DOCK3: variants seen among roughly 807,000 people sequenced by gnomAD.
DOCK3 encodes the protein dedicator of cytokinesis protein 3.
DOCK3 carries 60 observed loss-of-function variants against 265.6 expected under a neutral mutation model. The ratio of observed to expected loss-of-function variants is 0.23; its 90% CI spans 0.18 to 0.28. The LOEUF is 0.28. Among genes scored for constraint, DOCK3 ranks in the 10% least tolerant of loss-of-function variants. The pLI is 1.00. For synonymous variants in DOCK3, 881 were observed against 938.0 expected, an observed-to-expected ratio of 0.94 and a Z score of 1.11; for missense variants, 1,981 against 2,594.3, an observed-to-expected ratio of 0.76 and a Z score of 5.14.
intron 3 of DOCK3, among the ~76,000 whole-genome samples, chr3:50,882,781 G>T (rs1167299089): frequency 1.3e-5 from 2 of 152,134 alleles, no homozygotes; most frequent in Non-Finnish European, 2.9e-5. Flanking sequence ...ATACCCAAAG[G>T]ATTATAAATC....
chr3:51,349,459 A>G (rs1393247816), intron 39 of DOCK3, among the ~76,000 whole-genome samples: 1 of 152,186 alleles, frequency 6.6e-6, no homozygotes, highest in Non-Finnish European at 1.5e-5. Flanking sequence ...TTTCATCAGC[A>G]AAAAAGAGGC....
chr3:50,821,543 G>T (rs914829002), intron 2 of DOCK3, among the ~76,000 whole-genome samples: 1 of 152,046 alleles, frequency 6.6e-6, no homozygotes, highest in African/African-American at 2.4e-5. Context: ...CTCGTGATCC[G>T]CCTGCCTCGG....
chr3:51,368,721 T>C (rs1048882928), intron 49 of DOCK3, among the ~76,000 whole-genome samples: 1 of 152,176 alleles, frequency 6.6e-6, no homozygotes, highest in African/African-American at 2.4e-5. Flanking sequence ...TCTCCCAGCA[T>C]GGAGTTTAAG....
chr3:51,294,794 T>C (rs1271690589), intron 27 of DOCK3, among the ~76,000 whole-genome samples: 1 of 151,686 alleles, frequency 6.6e-6, no homozygotes, highest in Non-Finnish European at 1.5e-5. Flanking sequence ...CATTGGTCAG[T>C]GGGTGCAAAG....
intron 21 of DOCK3, among the ~76,000 whole-genome samples, chr3:51,239,472 AG>A (rs936944505): frequency 4.6e-5 from 7 of 151,642 alleles, no homozygotes; most frequent in African/African-American, 1.7e-4. Context: ...CTGGGATTAC[AG>A]GTGTAAGCCA....
At position 51,384,182 on chromosome 3, in the gene DOCK3, TA is replaced by T. The variant is rs2088837361; in HGVS notation, c.*2626del. On this transcript the variant is annotated 3_prime_UTR_variant, in exon 53 of 53. Transcript: ENST00000266037. The stretch of plus-strand genomic sequence containing the variant: ...TGACTGCTGTGATGTGAATTAAAGA[TA>T]AATACGTGATACTGATCCACTGAAT... 1 of 152,602 alleles carries T rather than the reference TA, an allele frequency of 6.6e-6. No homozygotes were observed. Among genetic ancestry groups the T allele is most frequent in the South Asian group, 2.1e-4 (1 of 4,834 alleles). The allele number at this position is 152,602 out of a possible 1,614,324, so 9.5% of individuals were successfully genotyped here.
rs1553618890 is a variant in DOCK3, at chr3:51,381,606, A to G, written c.*47A>G. On this transcript the variant is annotated 3_prime_UTR_variant, in exon 53 of 53. Transcript: ENST00000266037. The surrounding 1 kb of genome is among the most constrained non-coding windows in gnomAD (Gnocchi z 5.6). ...TGCCGCCCTCAGTAAGCAGCTTGCC[A>G]ATCACTCCAGGTCTGAAAAGCAAGT... The G allele has an allele frequency of 6.9e-7, 1 of 1,455,818 alleles. No homozygotes were observed. Among genetic ancestry groups the G allele is most frequent in the East Asian group, 2.4e-5 (1 of 40,842 alleles). 90.2% of individuals were successfully genotyped at this position (1,455,818 alleles called of 1,614,324 possible).
chr3:50,930,110 C>T (rs1251752143), intron 4 of DOCK3, among the ~76,000 whole-genome samples: 2 of 152,196 alleles, frequency 1.3e-5, no homozygotes, highest in African/African-American at 4.8e-5. Flanking sequence ...AGTCCTACGT[C>T]TTAGAACTTT....
At chr3:51,294,303 C>A (rs2081950876) in intron 27 of DOCK3, among the ~76,000 whole-genome samples, 1 of 152,094 alleles carries the variant, frequency 6.6e-6, no homozygotes, top group South Asian at 2.1e-4. Flanking sequence ...CATGGATGAA[C>A]CTGGAGGACA....
intron 49 of DOCK3, among the ~76,000 whole-genome samples, chr3:51,366,375 T>G (rs1188797220): frequency 6.6e-6 from 1 of 152,200 alleles, no homozygotes; most frequent in Admixed American, 6.5e-5. Flanking sequence ...GATTCTTCTC[T>G]CTTTTCTTCT....
At chr3:50,817,761 C>A (rs1188234784) in intron 2 of DOCK3, among the ~76,000 whole-genome samples, 2 of 151,304 alleles carry the variant, frequency 1.3e-5, no homozygotes, top group Non-Finnish European at 2.9e-5. Flanking sequence ...TCAACTCTTT[C>A]TGTTTTGACT....
At chr3:50,851,638 C>T (rs2046362903) in intron 3 of DOCK3, among the ~76,000 whole-genome samples, 1 of 152,152 alleles carries the variant, frequency 6.6e-6, no homozygotes, top group Non-Finnish European at 1.5e-5. Context: ...ATGGCACATG[C>T]AGAATGGTTC....
intron 5 of DOCK3, among the ~76,000 whole-genome samples, chr3:51,034,683 G>T (rs975240363): frequency 6.6e-6 from 1 of 151,916 alleles, no homozygotes; most frequent in African/African-American, 2.4e-5. Flanking sequence ...ACATTTACTG[G>T]TTCCAGTGTT....
chr3:50,824,245 G>A (rs1387930785), intron 2 of DOCK3, among the ~76,000 whole-genome samples: 4 of 152,146 alleles, frequency 2.6e-5, no homozygotes, highest in African/African-American at 7.2e-5. Context: ...GAGCAATAGA[G>A]GTAACTTTTA....
chr3:50,942,410 A>G (rs1326242528), intron 5 of DOCK3, among the ~76,000 whole-genome samples: 1 of 152,058 alleles, frequency 6.6e-6, no homozygotes, highest in African/African-American at 2.4e-5. Flanking sequence ...CAATTATGCT[A>G]TTATGCTATT....
chr3:51,275,299 A>G (rs1186415583), intron 25 of DOCK3, 93 bp downstream of exon 25: 4 of 1,556,612 alleles, frequency 2.6e-6, no homozygotes, highest in African/African-American at 1.4e-5. Flanking sequence ...CGCTTTGTAC[A>G]CTTTTCAGTC....
At chr3:51,380,070 G>T in intron 51 of DOCK3, 55 bp from the exon 52 acceptor site, 1 of 1,547,620 alleles carries the variant, frequency 6.5e-7, no homozygotes, top group Non-Finnish European at 8.8e-7. Context: ...GATGGTGCTG[G>T]CATGAAGTCT....
In DOCK3 at chr3:51,154,301, A is replaced by G. The variant is rs76232060; in HGVS notation, c.829-4943A>G. ...TAATATGTTGTCCATCTTTGAGCTT[A>G]GCAGTAAAGGCTTAGGAGATAATGC... On this transcript the variant is annotated intron_variant, in intron 10 of 52. Coordinates refer to ENST00000266037, the MANE Select transcript of DOCK3 (RefSeq NM_004947.5). Among the ~76,000 whole-genome samples, 307 of 152,366 alleles carry G rather than the reference A, an allele frequency of 2.0e-3. 4 individuals are homozygous for G. Among genetic ancestry groups the G allele is most frequent in the East Asian group, 0.012 (64 of 5,190 alleles).
Position 50,713,655 on chromosome 3 carries a change from T to TA in DOCK3, c.37+38355_37+38356insA, listed in dbSNP as rs397970507. On this transcript the variant is annotated intron_variant, in intron 1 of 52. Transcript: ENST00000266037. ...CTGATAAATTATATATATATATATA[T>TA]TTTTTGTTTGTTTGTTTTAGATTCT... Among the ~76,000 whole-genome samples the TA allele has an allele frequency of 2.1e-4, 31 of 150,802 alleles. No homozygotes were observed. The East Asian group carries it at 2.2e-3, about 11-fold the overall frequency.
Sources: gnomAD v4.1 joint callset for allele counts (sites outside exome capture counted in the v4.1 genomes callset) on GRCh38, gnomAD v4.1.1 for gene constraint, Gnocchi (gnomAD v3.1) non-coding constraint, MANE v1.5 for transcripts, NCBI Gene and HGNC (gene_info 2026-07-23, HGNC 2026-07-21) for gene names.